The following DCTN5 variants were observed in gnomAD, a reference collection of about 807,000 sequenced individuals.
The protein encoded by DCTN5 is dynactin subunit 5.
DCTN5 carries 14 observed loss-of-function variants against 23.5 expected under a neutral mutation model. The observed-to-expected ratio is 0.60, with a 90% CI of 0.39 to 0.93. DCTN5 has a LOEUF of 0.93. Among genes scored for constraint, DCTN5 ranks in the 40% least tolerant of loss-of-function variants. The probability of loss-of-function intolerance (pLI) is 0.00; values close to 1 mark genes in which losing one functional copy is unlikely to be tolerated. For missense variants in DCTN5, 156 were observed against 225.9 expected (o/e 0.69, Z 1.98); for synonymous variants, 67 against 79.6 (o/e 0.84, Z 0.84).
chr16:23,651,805 C>G (rs1265094613), intron 2 of DCTN5, among the ~76,000 whole-genome samples: 1 of 152,114 alleles, frequency 6.6e-6, no homozygotes, highest in Non-Finnish European at 1.5e-5. Context: ...CAGGCGGAGG[C>G]GGGCAGATTA....
At chr16:23,664,420 A>G (rs955992767) in intron 4 of DCTN5, among the ~76,000 whole-genome samples, 1 of 152,234 alleles carries the variant, frequency 6.6e-6, no homozygotes, top group African/African-American at 2.4e-5. Context: ...ACACAAGCAA[A>G]TCAATCATGT....
At chr16:23,646,660 T>G (rs1468286307) in intron 2 of DCTN5, among the ~76,000 whole-genome samples, 1 of 152,082 alleles carries the variant, frequency 6.6e-6, no homozygotes, top group African/African-American at 2.4e-5. Flanking sequence ...CACTGCAACC[T>G]CCGCCTCCTG....
Position 23,677,001 on chromosome 16 carries a change from G to A in DCTN5, c.*9857G>A, listed in dbSNP as rs1959231225. 6.6e-6 allele frequency: 1 copy of A among 152,248 alleles called. No homozygotes were observed. Among genetic ancestry groups the A allele is most frequent in the Admixed American group, 6.5e-5 (1 of 15,278 alleles). The allele number at this position is 152,248 out of a possible 1,614,324, so 9.4% of individuals were successfully genotyped here. A position where few individuals can be genotyped will look rare whatever the true frequency, so the allele number is the denominator to read the frequency against. On this transcript the variant is annotated 3_prime_UTR_variant, in exon 6 of 6. Coordinates refer to ENST00000300087, the MANE Select transcript of DCTN5 (RefSeq NM_032486.4). ...GTGAGCAGCTCCCAATGAGAACCCT[G>A]AACACTGAGTCTGTAATGAGCTTCC...
chr16:23,650,866 G>A (rs1201943685), intron 2 of DCTN5: 1 of 1,419,858 alleles, frequency 7.0e-7, no homozygotes, highest in African/African-American at 1.4e-5. Flanking sequence ...ATAGAGAGTG[G>A]TGGGGCCTGG....
At chr16:23,642,724 G>A in intron 1 of DCTN5, 1 of 499,292 alleles carries the variant, frequency 2.0e-6, no homozygotes, top group South Asian at 2.4e-5. Flanking sequence ...TGTCCTCAAG[G>A]GATCCGTCTG....
chr16:23,661,144 G>C, intron 3 of DCTN5, 26 bp from the exon 4 acceptor site: 2 of 1,528,548 alleles, frequency 1.3e-6, no homozygotes, highest in Non-Finnish European at 1.8e-6. Flanking sequence ...TGACCTTTCT[G>C]TGTTCATCTT....
intron 3 of DCTN5, 113 bp downstream of exon 3, chr16:23,658,738 A>C: frequency 1.3e-6 from 1 of 790,656 alleles, no homozygotes; most frequent in East Asian, 2.5e-5. Context: ...TGAAGCACTG[A>C]GTAAGAGTTC....
chr16:23,651,618 G>A (rs1333616651), intron 2 of DCTN5, among the ~76,000 whole-genome samples: 1 of 152,224 alleles, frequency 6.6e-6, no homozygotes, highest in African/African-American at 2.4e-5. Flanking sequence ...TTCTCTGATT[G>A]TAGGTGGAAA....
intron 2 of DCTN5, chr16:23,651,137 G>A (rs1485818392): frequency 2.4e-6 from 3 of 1,250,688 alleles, no homozygotes; most frequent in South Asian, 4.4e-5. Flanking sequence ...AATGCTGCAT[G>A]AGCCAAACAA....
chr16:23,656,262 A>G (rs1194967922), intron 2 of DCTN5, among the ~76,000 whole-genome samples: 3 of 152,156 alleles, frequency 2.0e-5, no homozygotes, highest in Admixed American at 2.0e-4. Flanking sequence ...TATCACTGTT[A>G]TCATGTTAAT....
chr16:23,642,869 C>T, intron 1 of DCTN5, 86 bp from the exon 2 acceptor site: 1 of 1,225,100 alleles, frequency 8.2e-7, no homozygotes, highest in Non-Finnish European at 1.2e-6. Flanking sequence ...GTTTTTTTCT[C>T]TCAAATGGGA....
At chr16:23,643,718 CTA>C (rs1967360643) in intron 2 of DCTN5, among the ~76,000 whole-genome samples, 1 of 151,906 alleles carries the variant, frequency 6.6e-6, no homozygotes, top group Non-Finnish European at 1.5e-5. Flanking sequence ...TAATAATTCA[CTA>C]TTAACTGAAA....
chr16:23,653,672 C>T (rs1230207873), intron 2 of DCTN5, among the ~76,000 whole-genome samples: 1 of 152,150 alleles, frequency 6.6e-6, no homozygotes, highest in East Asian at 1.9e-4. Flanking sequence ...ATGCCAAAAG[C>T]AATTGCAACA....
intron 4 of DCTN5, among the ~76,000 whole-genome samples, chr16:23,661,596 T>TA (rs1245987494): frequency 6.6e-6 from 1 of 152,116 alleles, no homozygotes; most frequent in Admixed American, 6.5e-5. Context: ...CGCATGCCTG[T>TA]AGTCCCAGCT....
rs1231027883 is a variant in DCTN5, at chr16:23,674,884, T to C, written c.*7740T>C. 2 of 152,178 alleles carry C rather than the reference T, an allele frequency of 1.3e-5. No individual in the cohort carries two copies. The highest frequency in any genetic ancestry group is 2.9e-5 in the Non-Finnish European group (2 of 68,050). The allele number at this position is 152,178 out of a possible 1,614,324, so 9.4% of individuals were successfully genotyped here. A position where few individuals can be genotyped will look rare whatever the true frequency, so the allele number is the denominator to read the frequency against. On this transcript the variant is annotated 3_prime_UTR_variant, in exon 6 of 6. Coordinates refer to ENST00000300087, the MANE Select transcript of DCTN5 (RefSeq NM_032486.4). ...TTCTTCTGAGGCCTCTCTGCTTGGC[T>C]TGCAGATGGCTGCCTTCTTACTGTG...
rs3816130 is a variant in DCTN5, at chr16:23,641,668, C to G, written c.48+78C>G. On this transcript the variant is annotated intron_variant, in intron 1 of 5. Coordinates refer to ENST00000300087, the MANE Select transcript of DCTN5 (RefSeq NM_032486.4). ...GGCCTGGTCGGCGTTCCCAACCTGC[C>G]CCTACCCCACCAACCCCTGTCCCTT... is the stretch of plus-strand genomic sequence containing the variant. 3.0e-4 allele frequency: 430 copies of G among 1,442,910 alleles called. 3 individuals carry two copies. The East Asian group carries it at 8.5e-3, about 28-fold the overall frequency. The allele number at this position is 1,442,910 out of a possible 1,614,324, so 89.4% of individuals were successfully genotyped here.
At chr16:23,656,165 T>C (rs1051989481) in intron 2 of DCTN5, among the ~76,000 whole-genome samples, 1 of 152,144 alleles carries the variant, frequency 6.6e-6, no homozygotes, top group Non-Finnish European at 1.5e-5. Flanking sequence ...AGTTCAAGGT[T>C]ACAGTGAGCC....
chr16:23,657,675 C>A, intron 2 of DCTN5: 1 of 232,178 alleles, frequency 4.3e-6, no homozygotes, highest in South Asian at 3.8e-5. Flanking sequence ...AACTCGACCT[C>A]AGGCAATCCA....
intron 3 of DCTN5, among the ~76,000 whole-genome samples, chr16:23,659,442 T>C (rs1967771202): frequency 1.3e-5 from 2 of 152,214 alleles, no homozygotes; most frequent in Non-Finnish European, 2.9e-5. Flanking sequence ...AAGCATTTAT[T>C]GAGCACCTTC....
Sources: allele counts gnomAD v4.1 joint callset (sites outside exome capture counted in the v4.1 genomes callset), GRCh38; gene constraint gnomAD v4.1.1; transcripts MANE v1.5; gene names NCBI Gene and HGNC (gene_info 2026-07-23, HGNC 2026-07-21).